The following ZCCHC7 variants were observed in gnomAD, a reference collection of about 807,000 sequenced individuals.
The protein encoded by ZCCHC7 is zinc finger CCHC-type containing 7.
A neutral mutation model predicts 52.0 loss-of-function variants in ZCCHC7; 35 were observed. The ratio of observed to expected loss-of-function variants is 0.67; its 90% CI spans 0.51 to 0.89. The LOEUF (loss-of-function observed/expected upper bound fraction) is 0.89. Among genes scored for constraint, ZCCHC7 ranks in the 40% least tolerant of loss-of-function variants. The probability of loss-of-function intolerance (pLI) is 0.00; values close to 1 mark genes in which losing one functional copy is unlikely to be tolerated. For synonymous variants in ZCCHC7, 217 were observed against 221.5 expected (o/e 0.98, Z 0.18); for missense variants, 574 against 649.1 (o/e 0.88, Z 1.26).
intron 2 of ZCCHC7, among the ~76,000 whole-genome samples, chr9:37,212,026 C>CAAAAAAAAAAAAAAAAAAAAAAAAA (rs574190937): frequency 1.8e-5 from 1 of 55,426 alleles, no homozygotes; most frequent in Non-Finnish European, 3.3e-5. Flanking sequence ...GACTCCGTCT[C>CAAAAAAAAAAAAAAAAAAAAAAAAA]AAAAAAAAAA....
intron 5 of ZCCHC7, among the ~76,000 whole-genome samples, chr9:37,308,140 T>C (rs1829419266): frequency 6.6e-6 from 1 of 152,206 alleles, no homozygotes; most frequent in African/African-American, 2.4e-5. Flanking sequence ...GTTAATTAAT[T>C]TGAATACTCT....
intron 4 of ZCCHC7, among the ~76,000 whole-genome samples, chr9:37,304,699 G>T (rs1051924405): frequency 3.3e-5 from 5 of 151,670 alleles, no homozygotes; most frequent in Non-Finnish European, 5.9e-5. Context: ...TATAACCTTA[G>T]AATTCAAATC....
chr9:37,351,275 C>G (rs968991752), intron 7 of ZCCHC7, among the ~76,000 whole-genome samples: 3 of 152,104 alleles, frequency 2.0e-5, no homozygotes, highest in Admixed American at 6.5e-5. Context: ...GGTCCCATTT[C>G]TTTATCTCCA....
At chr9:37,347,551 A>G (rs1372329634) in intron 6 of ZCCHC7, among the ~76,000 whole-genome samples, 1 of 152,242 alleles carries the variant, frequency 6.6e-6, no homozygotes, top group Non-Finnish European at 1.5e-5. Flanking sequence ...CAAGTTAACT[A>G]TCGCCATGTT....
chr9:37,251,855 A>T (rs905735411), intron 2 of ZCCHC7, among the ~76,000 whole-genome samples: 3 of 152,158 alleles, frequency 2.0e-5, no homozygotes, highest in African/African-American at 7.2e-5. Context: ...TGCCATTGAA[A>T]ATGTTAGACT....
At chr9:37,287,686 C>A (rs1040936499) in intron 2 of ZCCHC7, among the ~76,000 whole-genome samples, 5 of 152,130 alleles carry the variant, frequency 3.3e-5, no homozygotes, top group African/African-American at 1.2e-4. Flanking sequence ...TTTTTACACA[C>A]AAAAAAGTAC....
At chr9:37,342,515 T>C (rs1483573365) in intron 6 of ZCCHC7, among the ~76,000 whole-genome samples, 1 of 152,070 alleles carries the variant, frequency 6.6e-6, no homozygotes, top group Non-Finnish European at 1.5e-5. Context: ...AGAAAAGCAG[T>C]CTAAGGACTG....
intron 2 of ZCCHC7, among the ~76,000 whole-genome samples, chr9:37,154,058 T>G (rs1381730234): frequency 6.6e-6 from 1 of 151,882 alleles, no homozygotes; most frequent in Non-Finnish European, 1.5e-5. Context: ...CCCAACTAAT[T>G]TTTTGATTTT....
At chr9:37,224,116 A>C (rs1824971370) in intron 2 of ZCCHC7, among the ~76,000 whole-genome samples, 1 of 152,126 alleles carries the variant, frequency 6.6e-6, no homozygotes, top group Non-Finnish European at 1.5e-5. Flanking sequence ...CACAAACAGT[A>C]TATTAATTTT....
intron 2 of ZCCHC7, among the ~76,000 whole-genome samples, chr9:37,142,823 A>C (rs796314060): frequency 6.6e-6 from 1 of 151,840 alleles, no homozygotes; most frequent in Non-Finnish European, 1.5e-5. Flanking sequence ...ATATATTTCT[A>C]GTATTCAGCA....
chr9:37,344,401 C>T (rs1194892932), intron 6 of ZCCHC7, among the ~76,000 whole-genome samples: 1 of 152,208 alleles, frequency 6.6e-6, no homozygotes, highest in Non-Finnish European at 1.5e-5. Context: ...TTATAAAGCC[C>T]TAAGTGATCT....
chr9:37,282,180 T>A (rs1433247321), intron 2 of ZCCHC7, among the ~76,000 whole-genome samples: 1 of 152,202 alleles, frequency 6.6e-6, no homozygotes, highest in African/African-American at 2.4e-5. Flanking sequence ...GTTTCAGTTT[T>A]GCCAGATGAA....
chr9:37,179,314 T>C (rs189907444), intron 2 of ZCCHC7, among the ~76,000 whole-genome samples: 8 of 152,326 alleles, frequency 5.3e-5, no homozygotes, highest in Admixed American at 2.6e-4. Flanking sequence ...AAGTTGCAGA[T>C]GCAGTGGGTG....
chr9:37,131,302 T>C (rs938239756), intron 2 of ZCCHC7, among the ~76,000 whole-genome samples: 1 of 146,748 alleles, frequency 6.8e-6, no homozygotes, highest in Admixed American at 7.1e-5. Flanking sequence ...ATAGCGCCAC[T>C]GCACTCCAGC....
At position 37,305,562 on chromosome 9, in the gene ZCCHC7, C is replaced by T. The variant is rs1179432812; in HGVS notation, c.799C>T (p.Leu267=). The T allele has an allele frequency of 1.9e-6, 3 of 1,613,808 alleles. No homozygotes were observed. The highest frequency in any genetic ancestry group is 2.5e-6 in the Non-Finnish European group (3 of 1,179,984). Reference sequence around the variant, plus strand: ...CACATAGAAAGTTCGTCGCTGCTTCCTGTGCTCCAGGAGAGGACATCTCCT... The same window carrying T: ...CACATAGAAAGTTCGTCGCTGCTTCTTGTGCTCCAGGAGAGGACATCTCCT... ...PLPRKVRRCF[L]CSRRGHLLYS... The change falls in exon 5 of 9, where the codon CTG becomes TTG. Residue 267 remains leucine (L), a synonymous_variant. Coordinates refer to ENST00000336755, the MANE Select transcript of ZCCHC7 (RefSeq NM_032226.3).
At chr9:37,187,509 C>T (rs574986496) in intron 2 of ZCCHC7, among the ~76,000 whole-genome samples, 4 of 152,316 alleles carry the variant, frequency 2.6e-5, no homozygotes, top group Admixed American at 2.0e-4. Flanking sequence ...TAACAGGCCA[C>T]GAACTGGTAC....
chr9:37,203,260 TC>T (rs1335037764), intron 2 of ZCCHC7, among the ~76,000 whole-genome samples: 1 of 152,224 alleles, frequency 6.6e-6, no homozygotes, highest in Non-Finnish European at 1.5e-5. Context: ...AATGAGGTAA[TC>T]CAGGTACGCA....
chr9:37,254,129 G>A (rs796331281), intron 2 of ZCCHC7, among the ~76,000 whole-genome samples: 1 of 152,122 alleles, frequency 6.6e-6, no homozygotes, highest in African/African-American at 2.4e-5. Flanking sequence ...GTATATGGCA[G>A]TTATGGTGAG....
intron 2 of ZCCHC7, among the ~76,000 whole-genome samples, chr9:37,163,395 AAAAAAAAAAG>A (rs1315265274): frequency 6.6e-6 from 1 of 151,544 alleles, no homozygotes; most frequent in Non-Finnish European, 1.5e-5. Flanking sequence ...CAAAAAAAAA[AAAAAAAAAAG>A]AAAAGAAAAA....
Sources: gnomAD v4.1 joint callset for allele counts (sites outside exome capture counted in the v4.1 genomes callset) on GRCh38, gnomAD v4.1.1 for gene constraint, MANE v1.5 for transcripts, NCBI Gene and HGNC (gene_info 2026-07-23, HGNC 2026-07-21) for gene names.